Variants in HEXD observed in about 807,000 individuals in gnomAD.
HEXD encodes the protein N-acetyl-beta-galactosaminidase.
In HEXD, 47 loss-of-function variants were observed where a neutral mutation model predicts 54.2. The ratio of observed to expected loss-of-function variants is 0.87; its 90% CI spans 0.69 to 1.11. The LOEUF (loss-of-function observed/expected upper bound fraction) is 1.11. HEXD is among the 50% of genes least tolerant of loss of function. HEXD has a pLI of 0.00. For synonymous variants in HEXD, 293 were observed against 287.6 expected (o/e 1.02, Z -0.19); for missense variants, 576 against 649.2 (o/e 0.89, Z 1.23).
Position 82,442,421 on chromosome 17 carries a change from TG to T in HEXD, c.*44del, listed in dbSNP as rs751615819. The T allele has an allele frequency of 8.1e-6, 13 of 1,609,708 alleles. No homozygotes were observed. Among genetic ancestry groups the T allele is most frequent in the African/African-American group, 1.3e-5 (1 of 74,816 alleles). ...ATGCCAGGGGGCTCCTGCTGGAGGC[TG>T]GGGGGGCTCTGCACTGCCAAATGGC... On this transcript the variant is annotated 3_prime_UTR_variant, in exon 13 of 13. Coordinates refer to ENST00000327949, the MANE Select transcript of HEXD (RefSeq NM_001330542.2). The surrounding 1 kb of genome is among the most constrained non-coding windows in gnomAD (Gnocchi z 6.8).
At position 82,439,457 on chromosome 17, in the gene HEXD, G is replaced by A. The variant is rs559000556; in HGVS notation, c.900-174G>A. ...ACGGAGTTGACATGAGAGCCCTGCC[G>A]CACAGAACCTGTCTTGGAAACCCTG... On this transcript the variant is annotated intron_variant, in intron 8 of 12. Coordinates refer to ENST00000327949, the MANE Select transcript of HEXD (RefSeq NM_001330542.2). 4.0e-5 allele frequency: 39 copies of A among 985,396 alleles called. No individual in the cohort carries two copies. In the South Asian group the frequency reaches 8.5e-4, roughly 21 times the overall value. 61.0% of individuals were successfully genotyped at this position (985,396 alleles called of 1,614,324 possible). A position where few individuals can be genotyped will look rare whatever the true frequency, so the allele number is the denominator to read the frequency against.
intron 4 of HEXD, among the ~76,000 whole-genome samples, chr17:82,430,834 G>GA: frequency 1.3e-5 from 2 of 152,094 alleles, no homozygotes; most frequent in South Asian, 4.1e-4. Context: ...CCCCAGTGTA[G>GA]AGCTACATGC....
chr17:82,419,424 G>A (rs768842319), intron 1 of HEXD, among the ~76,000 whole-genome samples: 59 of 152,322 alleles, frequency 3.9e-4, no homozygotes, highest in Non-Finnish European at 8.2e-4. Context: ...GCTTCTGCCC[G>A]ACTGTTTTCA....
At chr17:82,441,980 G>T in intron 12 of HEXD, 91 bp downstream of exon 12, 1 of 1,405,956 alleles carries the variant, frequency 7.1e-7, no homozygotes, top group East Asian at 2.3e-5. Context: ...GAGAGCAGAG[G>T]GTGAGCCCCT....
In HEXD at chr17:82,424,452, T is replaced by C. The variant is rs951692885; in HGVS notation, c.143T>C (p.Met48Thr). The change falls in exon 3 of 13, where the codon ATG (methionine) becomes ACG (threonine). Residue 48 changes from methionine (M) to threonine (T), a missense_variant. Physicochemically the swap from Met to Thr is moderately conservative, Grantham distance 81. Coordinates refer to ENST00000327949, the MANE Select transcript of HEXD (RefSeq NM_001330542.2). ...GGCCTCCTCATTGAGTATGAAGACA[T>C]GTTTCCCTACGAGGGCCCTCTGAGG... ...ANGLLIEYED[M>T]FPYEGPLRLL... is the part of the protein sequence containing the mutation. The C allele has an allele frequency of 1.2e-6, 2 of 1,614,062 alleles. No homozygotes were observed. The highest frequency in any genetic ancestry group is 1.7e-6 in the Non-Finnish European group (2 of 1,179,964).
At position 82,418,406 on chromosome 17, in the gene HEXD, C is replaced by A; in HGVS notation, c.-386C>A. 1 of 1,477,996 alleles carries A rather than the reference C, an allele frequency of 6.8e-7. No individual in the cohort carries two copies. The highest frequency in any genetic ancestry group is 1.3e-5 in the South Asian group (1 of 79,210). The allele number at this position is 1,477,996 out of a possible 1,614,324, so 91.6% of individuals were successfully genotyped here. A position where few individuals can be genotyped will look rare whatever the true frequency, so the allele number is the denominator to read the frequency against. ...CAGCGCGCGCCCTTCCCCTCCTCAC[C>A]GCTACCTGCTCCGGTTCCGGCGCTC... is the stretch of plus-strand genomic sequence containing the variant. On this transcript the variant is annotated 5_prime_UTR_variant, in exon 1 of 13. Transcript: ENST00000327949.
Position 82,435,889 on chromosome 17 carries a change from G to A in HEXD, c.631+17G>A, listed in dbSNP as rs369029766. ...AGCTCGCAGGTCGGCCAACAGGGCT[G>A]GGGGAGGGGGTGGGCCACTGAACTG... On this transcript the variant is annotated intron_variant, in intron 6 of 12. Coordinates refer to ENST00000327949, the MANE Select transcript of HEXD (RefSeq NM_001330542.2). 1.3e-4 allele frequency: 211 copies of A among 1,595,884 alleles called. 2 individuals carry two copies. The African/African-American group carries it at 2.5e-3, about 19-fold the overall frequency.
rs776389969 is a variant in HEXD at position 82,436,763 on chromosome 17, T to G, written c.703+25T>G. ...GGTCAGTGCCAAGTTGTGGGGGGTG[T>G]GTTGTCCTGGCCATGTGCCTGGGAA... On this transcript the variant is annotated intron_variant, in intron 7 of 12. Coordinates refer to ENST00000327949, the MANE Select transcript of HEXD (RefSeq NM_001330542.2). The G allele has an allele frequency of 4.4e-6, 7 of 1,602,356 alleles. No homozygotes were observed. In the South Asian group the frequency reaches 7.8e-5, roughly 18 times the overall value.
At chr17:82,418,938 T>C (rs952003663) in intron 1 of HEXD, among the ~76,000 whole-genome samples, 198 bp downstream of exon 1, 1 of 152,206 alleles carries the variant, frequency 6.6e-6, no homozygotes, top group Non-Finnish European at 1.5e-5. Context: ...TGTGTGTAAC[T>C]GGTCGTATGT....
intron 2 of HEXD, among the ~76,000 whole-genome samples, chr17:82,424,035 A>ATGCCTTGCTGGTGCCCCTCAGCCTGGC (rs1433122879): frequency 1.4e-5 from 2 of 140,024 alleles, no homozygotes; most frequent in African/African-American, 5.5e-5. Context: ...CCTGTCCCCC[A>ATGCCTTGCTGGTGCCCCTCAGCCTGGC]TGCCTTGCTG....
At chr17:82,440,971 A>T (rs1488757556) in intron 9 of HEXD, 26 bp from the exon 10 acceptor site, 1 of 1,612,492 alleles carries the variant, frequency 6.2e-7, no homozygotes, top group Non-Finnish European at 8.5e-7. Context: ...GGCCCCTCCA[A>T]CCGCCCCGCT....
intron 9 of HEXD, 40 bp downstream of exon 9, chr17:82,439,753 C>A: frequency 6.3e-7 from 1 of 1,598,492 alleles, no homozygotes; most frequent in Non-Finnish European, 8.5e-7. Flanking sequence ...ACCGGCCCCT[C>A]CCCGAAAGAC....
rs201601129 is a variant in HEXD at position 82,435,882 on chromosome 17, C to A, written c.631+10C>A. ...GAGGACCAGCTCGCAGGTCGGCCAA[C>A]AGGGCTGGGGGAGGGGGTGGGCCAC... On this transcript the variant is annotated intron_variant, in intron 6 of 12. Coordinates refer to ENST00000327949, the MANE Select transcript of HEXD (RefSeq NM_001330542.2). 2.0e-5 allele frequency: 32 copies of A among 1,599,350 alleles called. No individual in the cohort carries two copies. The highest frequency in any genetic ancestry group is 8.4e-5 in the Admixed American group (5 of 59,744).
chr17:82,422,736 T>G (rs766354792), intron 2 of HEXD, among the ~76,000 whole-genome samples: 1 of 151,554 alleles, frequency 6.6e-6, no homozygotes, highest in Non-Finnish European at 1.5e-5. Context: ...CAAAGAAGAC[T>G]GAACTTACAT....
chr17:82,432,182 T>C (rs1277048511), intron 4 of HEXD, among the ~76,000 whole-genome samples: 2 of 152,142 alleles, frequency 1.3e-5, no homozygotes, highest in Non-Finnish European at 2.9e-5. Flanking sequence ...GGGGGGTGCA[T>C]CCCTAGGTTC....
At chr17:82,432,936 G>C (rs1164624878) in intron 4 of HEXD, among the ~76,000 whole-genome samples, 8 of 145,286 alleles carry the variant, frequency 5.5e-5, no homozygotes, top group Admixed American at 4.1e-4. Flanking sequence ...CGTGGTGGCG[G>C]GCGCCTGTAG....
intron 7 of HEXD, 111 bp downstream of exon 7, chr17:82,436,849 A>G: frequency 9.8e-7 from 1 of 1,019,364 alleles, no homozygotes; most frequent in Non-Finnish European, 1.5e-6. Context: ...CTGCACGGGT[A>G]GAGGCCAGGG....
chr17:82,437,116 C>T, intron 7 of HEXD, 52 bp from the exon 8 acceptor site: 2 of 1,475,994 alleles, frequency 1.4e-6, no homozygotes, highest in Non-Finnish European at 1.8e-6. Context: ...GTGTCCAGGG[C>T]CGTGTTGGCC....
chr17:82,438,756 G>A (rs2053844663), intron 8 of HEXD, among the ~76,000 whole-genome samples: 1 of 152,238 alleles, frequency 6.6e-6, no homozygotes, highest in Admixed American at 6.5e-5. Flanking sequence ...AGAGCCTGGT[G>A]GGCCAGCCTG....
Sources: allele counts gnomAD v4.1 joint callset (sites outside exome capture counted in the v4.1 genomes callset), GRCh38; gene constraint gnomAD v4.1.1; non-coding constraint Gnocchi (gnomAD v3.1); transcripts MANE v1.5; gene names NCBI Gene and HGNC (gene_info 2026-07-23, HGNC 2026-07-21).